The following ARAP2 variants were observed in gnomAD, a reference collection of about 807,000 sequenced individuals.
ARAP2 encodes the protein ArfGAP with RhoGAP domain, ankyrin repeat and PH domain 2.
In ARAP2, 148 loss-of-function variants were observed where a neutral mutation model predicts 194.5. That is an observed-to-expected ratio of 0.76 (90% CI 0.67 to 0.87). ARAP2 has a LOEUF of 0.87. Ranked by LOEUF, ARAP2 falls within the 40% of genes least tolerant of loss-of-function variation. ARAP2 has a pLI of 0.00. For synonymous variants in ARAP2, 695 were observed against 683.5 expected (o/e 1.02, Z -0.26); for missense variants, 2,128 against 1,989.7 (o/e 1.07, Z -1.32).
intron 8 of ARAP2, among the ~76,000 whole-genome samples, chr4:36,014,001 C>A (rs940383916): frequency 6.6e-6 from 1 of 151,838 alleles, no homozygotes; most frequent in African/African-American, 2.4e-5. Flanking sequence ...CTGAGGCAGG[C>A]AGATCGCTTG....
chr4:36,233,731 C>T (rs1246533363), intron 1 of ARAP2, among the ~76,000 whole-genome samples: 2 of 152,230 alleles, frequency 1.3e-5, no homozygotes, highest in Non-Finnish European at 2.9e-5. Flanking sequence ...ATAAGTGACT[C>T]GCACATAGTG....
intron 27 of ARAP2, among the ~76,000 whole-genome samples, chr4:36,100,378 C>G (rs577989787): frequency 1.3e-5 from 2 of 152,154 alleles, no homozygotes; most frequent in Non-Finnish European, 2.9e-5. Flanking sequence ...AAGACTATTT[C>G]TTCAGAGCTG....
chr4:36,019,679 A>T (rs1048418983), intron 5 of ARAP2, among the ~76,000 whole-genome samples: 1 of 152,114 alleles, frequency 6.6e-6, no homozygotes, highest in East Asian at 1.9e-4. Context: ...AGGTAGATCA[A>T]AGGGCCAATA....
intron 5 of ARAP2, among the ~76,000 whole-genome samples, chr4:36,032,705 A>T (rs1440531705): frequency 6.6e-6 from 1 of 152,118 alleles, no homozygotes; most frequent in Admixed American, 6.5e-5. Context: ...TTAGAGGTAT[A>T]TGTGCAGGTT....
chr4:36,195,610 G>A (rs545168239), intron 6 of ARAP2, among the ~76,000 whole-genome samples: 9 of 152,304 alleles, frequency 5.9e-5, no homozygotes, highest in African/African-American at 2.2e-4. Flanking sequence ...TCCATTTTAA[G>A]ATAAAAATAA....
intron 15 of ARAP2, among the ~76,000 whole-genome samples, chr4:36,156,345 G>GAA (rs1732323489): frequency 4.4e-5 from 1 of 22,648 alleles, no homozygotes; most frequent in Non-Finnish European, 9.0e-5. Context: ...GGGAAAGAGA[G>GAA]AGAGAGAGAG....
intron 9 of ARAP2, among the ~76,000 whole-genome samples, chr4:36,173,506 A>G (rs569216425): frequency 3.9e-5 from 6 of 152,280 alleles, no homozygotes; most frequent in Admixed American, 3.3e-4. Flanking sequence ...GCAAAACAAA[A>G]AGGAACCGAC....
rs1225700684 is a variant in ARAP2, at chr4:36,128,697, A to T, written c.3476T>A (p.Ile1159Lys). 6.2e-7 allele frequency: 1 copy of T among 1,612,704 alleles called. No homozygotes were observed. The highest frequency in any genetic ancestry group is 8.5e-7 in the Non-Finnish European group (1 of 1,179,312). Residue 1159 changes from isoleucine (I) to lysine (K), a missense_variant, in exon 21 of 33, where the codon ATA (isoleucine) becomes AAA (lysine). Physicochemically the swap from Ile to Lys is moderately radical, Grantham distance 102. Transcript: ENST00000303965. Reference protein sequence around the residue: ...IYQKNGDPLHISELLESFKKD... With the variant: ...IYQKNGDPLHKSELLESFKKD... Reference sequence around the variant, plus strand: ...TTTGAAACTCTCCAGGAGTTCACTTATATGCAAAGGATCACCATTCTTTTG... The same window carrying T: ...TTTGAAACTCTCCAGGAGTTCACTTTTATGCAAAGGATCACCATTCTTTTG...
intron 5 of ARAP2, among the ~76,000 whole-genome samples, chr4:36,021,322 T>C (rs1033246537): frequency 1.3e-5 from 2 of 152,238 alleles, no homozygotes; most frequent in Non-Finnish European, 2.9e-5. Context: ...TAATATGATT[T>C]GGATCTTCGT....
chr4:36,137,549 C>T (rs1267058594), intron 19 of ARAP2, among the ~76,000 whole-genome samples: 1 of 151,762 alleles, frequency 6.6e-6, no homozygotes, highest in Non-Finnish European at 1.5e-5. Flanking sequence ...TTGACTGATC[C>T]CTTAAAGGAA....
Position 36,164,835 on chromosome 4 carries a change from T to C in ARAP2, c.2173+79A>G, listed in dbSNP as rs529204909. The C allele has an allele frequency of 1.6e-4, 212 of 1,365,496 alleles. 1 individual carries two copies. Among genetic ancestry groups the C allele is most frequent in the South Asian group, 1.1e-3 (88 of 83,068 alleles). 84.6% of individuals were successfully genotyped at this position (1,365,496 alleles called of 1,614,324 possible). A position where few individuals can be genotyped will look rare whatever the true frequency, so the allele number is the denominator to read the frequency against. On this transcript the variant is annotated intron_variant, in intron 11 of 32. Coordinates refer to ENST00000303965, the MANE Select transcript of ARAP2 (RefSeq NM_015230.4). Reference sequence around the variant, plus strand: ...TACTTCTCATAACCATTAGCTAGGATATATAATATGCAACAATGAAGAGCA... The same window carrying C: ...TACTTCTCATAACCATTAGCTAGGACATATAATATGCAACAATGAAGAGCA...
chr4:36,036,639 A>T (rs1305920801), intron 5 of ARAP2, among the ~76,000 whole-genome samples: 2 of 152,148 alleles, frequency 1.3e-5, no homozygotes, highest in Non-Finnish European at 2.9e-5. Flanking sequence ...TACGTCCTTC[A>T]GTTATATTTT....
chr4:36,151,754 A>G (rs1352903449), intron 15 of ARAP2, among the ~76,000 whole-genome samples: 1 of 152,148 alleles, frequency 6.6e-6, no homozygotes, highest in Non-Finnish European at 1.5e-5. Flanking sequence ...GTGTGCATAT[A>G]AAGTGTGAGA....
intron 2 of ARAP2, among the ~76,000 whole-genome samples, chr4:36,224,266 T>C (rs1187098320): frequency 6.6e-6 from 1 of 150,656 alleles, no homozygotes; most frequent in African/African-American, 2.4e-5. Flanking sequence ...GTTCTCACAA[T>C]TGATTACAGA....
chr4:36,118,469 T>C (rs1177407900), intron 24 of ARAP2, among the ~76,000 whole-genome samples: 2 of 151,332 alleles, frequency 1.3e-5, no homozygotes, highest in African/African-American at 2.4e-5. Flanking sequence ...AAACAGATTT[T>C]CCCAGACTCT....
intron 9 of ARAP2, among the ~76,000 whole-genome samples, chr4:36,172,501 T>A (rs749553289): frequency 2.6e-5 from 4 of 152,222 alleles, no homozygotes; most frequent in Non-Finnish European, 4.4e-5. Context: ...CAGAAAGTAT[T>A]CATACCATTG....
intron 15 of ARAP2, among the ~76,000 whole-genome samples, chr4:36,157,115 C>T (rs1434118046): frequency 1.3e-5 from 2 of 152,124 alleles, no homozygotes; most frequent in Admixed American, 6.5e-5. Flanking sequence ...TTTTAAACTG[C>T]AGAATGCTTA....
At chr4:36,026,599 G>A (rs1443491446) in intron 5 of ARAP2, among the ~76,000 whole-genome samples, 1 of 152,224 alleles carries the variant, frequency 6.6e-6, no homozygotes, top group Non-Finnish European at 1.5e-5. Flanking sequence ...GGGACTGGAA[G>A]TGTTAAAGCT....
intron 1 of ARAP2, among the ~76,000 whole-genome samples, chr4:36,232,558 C>T (rs1430379828): frequency 2.6e-5 from 4 of 152,182 alleles, no homozygotes; most frequent in Non-Finnish European, 5.9e-5. Context: ...AACATTCTAC[C>T]AATATCCTTC....
Sources: allele counts gnomAD v4.1 joint callset (sites outside exome capture counted in the v4.1 genomes callset), GRCh38; gene constraint gnomAD v4.1.1; transcripts MANE v1.5; gene names NCBI Gene and HGNC (gene_info 2026-07-23, HGNC 2026-07-21).